The following STX8 variants were observed in gnomAD, a reference collection of about 807,000 sequenced individuals.
The protein encoded by STX8 is syntaxin-8.
STX8 carries 23 observed loss-of-function variants against 37.5 expected under a neutral mutation model. The ratio of observed to expected loss-of-function variants is 0.61; its 90% CI spans 0.44 to 0.87. The LOEUF (loss-of-function observed/expected upper bound fraction) is 0.87. Among genes scored for constraint, STX8 ranks in the 40% least tolerant of loss-of-function variants. STX8 has a pLI of 0.00. For missense variants in STX8, 313 were observed against 284.7 expected, an observed-to-expected ratio of 1.10 and a Z score of -0.71; for synonymous variants, 115 against 99.1, an observed-to-expected ratio of 1.16 and a Z score of -0.95.
chr17:9,444,366 C>A (rs1173449690), intron 6 of STX8, among the ~76,000 whole-genome samples: 1 of 152,186 alleles, frequency 6.6e-6, no homozygotes, highest in East Asian at 1.9e-4. Flanking sequence ...GATTATCCTG[C>A]CCCTCTCTGC....
intron 5 of STX8, among the ~76,000 whole-genome samples, chr17:9,502,066 A>G (rs745959807): frequency 5.8e-4 from 89 of 152,198 alleles, no homozygotes; most frequent in Non-Finnish European, 1.2e-3. Flanking sequence ...TGTTGGCAAG[A>G]ATGTGGAGAA....
intron 6 of STX8, among the ~76,000 whole-genome samples, chr17:9,414,014 C>T (rs1221343164): frequency 1.4e-5 from 2 of 142,098 alleles, no homozygotes; most frequent in African/African-American, 5.4e-5. Flanking sequence ...ATCTGTCCAT[C>T]CATCCATCCA....
Position 9,507,849 on chromosome 17 carries a change from A to G in STX8, c.324-2687T>C, listed in dbSNP as rs1904895378. Among the ~76,000 whole-genome samples, 1 of 152,164 alleles carries G rather than the reference A, an allele frequency of 6.6e-6. No individual in the cohort carries two copies. The highest frequency in any genetic ancestry group is 1.5e-5 in the Non-Finnish European group (1 of 68,026). On this transcript the variant is annotated intron_variant, in intron 4 of 7. Coordinates refer to ENST00000306357, the MANE Select transcript of STX8 (RefSeq NM_004853.3). This position sits in a 1 kb window ranked among gnomAD's most constrained non-coding sequence, Gnocchi z 4.0. Reference sequence around the variant, plus strand: ...CAGTTAAAGAAACTACACAAAAACTACACTACTATGCCCACCTGGAACCAA... The same window carrying G: ...CAGTTAAAGAAACTACACAAAAACTGCACTACTATGCCCACCTGGAACCAA...
chr17:9,497,826 T>C (rs925148184), intron 5 of STX8, among the ~76,000 whole-genome samples: 1 of 152,188 alleles, frequency 6.6e-6, no homozygotes, highest in African/African-American at 2.4e-5. Flanking sequence ...CACCAACATA[T>C]TTAAATCAAG....
chr17:9,506,269 C>T (rs73973790), intron 4 of STX8, among the ~76,000 whole-genome samples: 3,667 of 152,048 alleles, frequency 0.024, 151 homozygotes, highest in African/African-American at 0.084. Context: ...CAGGACACGA[C>T]CTTCTGACCA....
chr17:9,517,415 C>T (rs1175609363), intron 4 of STX8, among the ~76,000 whole-genome samples: 1 of 152,170 alleles, frequency 6.6e-6, no homozygotes, highest in East Asian at 1.9e-4. Context: ...CAGGAAATTA[C>T]AGTATCACAC....
At chr17:9,511,215 A>C (rs1680100231) in intron 4 of STX8, among the ~76,000 whole-genome samples, 1 of 149,654 alleles carries the variant, frequency 6.7e-6, no homozygotes, top group Non-Finnish European at 1.5e-5. Context: ...TTCTCAAACT[A>C]TTCCAAAAAA....
At chr17:9,545,097 A>G in intron 4 of STX8, 75 bp downstream of exon 4, 5 of 875,812 alleles carry the variant, frequency 5.7e-6, no homozygotes, top group Non-Finnish European at 7.4e-6. Flanking sequence ...AAAGTAAGCC[A>G]TTCAGGAAAC....
chr17:9,474,762 G>A (rs1012099681), intron 6 of STX8, among the ~76,000 whole-genome samples: 10 of 152,206 alleles, frequency 6.6e-5, no homozygotes, highest in Admixed American at 1.3e-4. Flanking sequence ...CATGAGGTCA[G>A]GAGATCGAGA....
At chr17:9,308,191 G>A (rs1291544433) in intron 7 of STX8, among the ~76,000 whole-genome samples, 1 of 152,150 alleles carries the variant, frequency 6.6e-6, no homozygotes, top group Non-Finnish European at 1.5e-5. Context: ...TAGACTGAGT[G>A]GGGAAACCCC....
chr17:9,381,679 A>T (rs1448283318), intron 6 of STX8, among the ~76,000 whole-genome samples: 1 of 152,250 alleles, frequency 6.6e-6, no homozygotes, highest in African/African-American at 2.4e-5. Context: ...ATATGAAAAG[A>T]TAAAGACAAT....
chr17:9,293,411 T>C (rs989385307), intron 7 of STX8, among the ~76,000 whole-genome samples: 2 of 151,884 alleles, frequency 1.3e-5, no homozygotes, highest in African/African-American at 4.8e-5. Flanking sequence ...CCTGGGGAAG[T>C]CATCCCCTAC....
intron 6 of STX8, among the ~76,000 whole-genome samples, chr17:9,484,661 C>CAA (rs61165957): frequency 0.38 from 49,713 of 131,310 alleles, 9,776 homozygotes; most frequent in Middle Eastern, 0.48. Flanking sequence ...ACTAAAAATA[C>CAA]AAAAAAAAAA....
chr17:9,315,913 C>G (rs1468709919), intron 7 of STX8, among the ~76,000 whole-genome samples: 2 of 151,706 alleles, frequency 1.3e-5, no homozygotes, highest in African/African-American at 4.8e-5. Flanking sequence ...ACTTGGGAGG[C>G]TGAGGCAGGA....
At chr17:9,538,508 C>G (rs1166601772) in intron 4 of STX8, among the ~76,000 whole-genome samples, 1 of 152,106 alleles carries the variant, frequency 6.6e-6, no homozygotes, top group Non-Finnish European at 1.5e-5. Flanking sequence ...TTTTCTTTTG[C>G]CCATCTTGGC....
intron 6 of STX8, among the ~76,000 whole-genome samples, chr17:9,447,485 C>T (rs751551026): frequency 6.6e-6 from 1 of 152,178 alleles, no homozygotes; most frequent in African/African-American, 2.4e-5. Flanking sequence ...TGCAGTGACG[C>T]AATCTCAGCT....
intron 6 of STX8, among the ~76,000 whole-genome samples, chr17:9,395,070 C>T (rs1018461746): frequency 3.7e-5 from 5 of 136,398 alleles, no homozygotes; most frequent in East Asian, 4.2e-4. Flanking sequence ...AGCAAGACCC[C>T]GTCTCAAAAA....
chr17:9,308,259 G>C (rs541116122), intron 7 of STX8, among the ~76,000 whole-genome samples: 10 of 152,116 alleles, frequency 6.6e-5, no homozygotes, highest in South Asian at 2.1e-4. Flanking sequence ...CCTTCCTCCC[G>C]GGGATAGGGC....
intron 6 of STX8, among the ~76,000 whole-genome samples, chr17:9,409,710 T>C (rs1912918758): frequency 6.6e-6 from 1 of 152,138 alleles, no homozygotes; most frequent in Non-Finnish European, 1.5e-5. Flanking sequence ...GCAAAAACCA[T>C]ATTTACATGA....
Sources: allele counts gnomAD v4.1 joint callset (sites outside exome capture counted in the v4.1 genomes callset), GRCh38; gene constraint gnomAD v4.1.1; non-coding constraint Gnocchi (gnomAD v3.1); transcripts MANE v1.5; gene names NCBI Gene and HGNC (gene_info 2026-07-23, HGNC 2026-07-21).